Variants in SLIT3 observed in about 807,000 individuals in gnomAD.
SLIT3 encodes the protein slit guidance ligand 3.
Under a neutral mutation model 184.0 loss-of-function variants are expected in SLIT3, and 68 were observed. The observed-to-expected ratio is 0.37, with a 90% CI of 0.30 to 0.45. The LOEUF (loss-of-function observed/expected upper bound fraction) is 0.45. SLIT3 is among the 20% of genes least tolerant of loss of function. The pLI is 1.00. For missense variants in SLIT3, 1,707 were observed against 2,026.0 expected (o/e 0.84, Z 3.02); for synonymous variants, 831 against 828.6 (o/e 1.00, Z -0.05).
In SLIT3 at chr5:168,999,253, G is replaced by A. The variant is rs371446002; in HGVS notation, c.414-115917C>T. 2.0e-4 allele frequency among the ~76,000 whole-genome samples: 30 copies of A among 152,168 alleles called. 1 individual carries two copies. Among genetic ancestry groups the A allele is most frequent in the African/African-American group, 7.0e-4 (29 of 41,520 alleles). On this transcript the variant is annotated intron_variant, in intron 4 of 35. Coordinates refer to ENST00000519560, the MANE Select transcript of SLIT3 (RefSeq NM_003062.4). ...CCAAGTATGAGAGCCTCTGGTAATG[G>A]GTTCAAGACCTCTGGCTCTGGAGTG...
intron 3 of SLIT3, among the ~76,000 whole-genome samples, chr5:169,207,362 C>CACATACAT (rs765067770): frequency 0.024 from 3,237 of 133,198 alleles, 126 homozygotes; most frequent in Admixed American, 0.092. Context: ...GTTTTACATA[C>CACATACAT]ACATACATAC....
At chr5:168,901,826 C>G (rs1358993272) in intron 4 of SLIT3, among the ~76,000 whole-genome samples, 1 of 152,144 alleles carries the variant, frequency 6.6e-6, no homozygotes, top group Non-Finnish European at 1.5e-5. Flanking sequence ...GGCAGGTGCC[C>G]TCTCTCCTTG....
chr5:168,957,810 T>A (rs1762879069), intron 4 of SLIT3, among the ~76,000 whole-genome samples: 1 of 152,228 alleles, frequency 6.6e-6, no homozygotes, highest in African/African-American at 2.4e-5. Flanking sequence ...CGCTGCTAGA[T>A]CTGCTTCAGC....
At chr5:169,203,208 T>C (rs574166935) in intron 3 of SLIT3, among the ~76,000 whole-genome samples, 75 of 152,266 alleles carry the variant, frequency 4.9e-4, no homozygotes, top group Non-Finnish European at 9.7e-4. Flanking sequence ...GGTTGCTTTA[T>C]CTAGGACTAA....
intron 28 of SLIT3, among the ~76,000 whole-genome samples, chr5:168,693,730 G>A (rs1761975377): frequency 6.6e-6 from 1 of 152,154 alleles, no homozygotes; most frequent in Non-Finnish European, 1.5e-5. Flanking sequence ...CCAGAGGGCT[G>A]GCTGCAGGGT....
At chr5:169,093,313 A>AT (rs1241235467) in intron 4 of SLIT3, among the ~76,000 whole-genome samples, 1 of 152,028 alleles carries the variant, frequency 6.6e-6, no homozygotes. Context: ...GTTAAAGAAA[A>AT]CCCTCTTCTC....
chr5:168,746,350 T>TGGGTGA (rs1763808424), intron 20 of SLIT3, among the ~76,000 whole-genome samples: 1 of 85,024 alleles, frequency 1.2e-5, no homozygotes, highest in Non-Finnish European at 2.3e-5. Flanking sequence ...GTGGTGTGGG[T>TGGGTGA]GTGTGGTGGT....
intron 4 of SLIT3, among the ~76,000 whole-genome samples, chr5:168,985,546 C>T (rs966678457): frequency 6.6e-6 from 1 of 152,212 alleles, no homozygotes; most frequent in Non-Finnish European, 1.5e-5. Flanking sequence ...ACTGCAACAG[C>T]CCTCATTTTT....
chr5:169,108,055 C>T (rs1760283169), intron 4 of SLIT3, among the ~76,000 whole-genome samples: 2 of 152,200 alleles, frequency 1.3e-5, no homozygotes, highest in Admixed American at 1.3e-4. Context: ...CCCAGCAGAC[C>T]AGACCATAGT....
chr5:168,835,346 T>A (rs1304540425), intron 6 of SLIT3, among the ~76,000 whole-genome samples: 6 of 152,174 alleles, frequency 3.9e-5, no homozygotes, highest in Admixed American at 1.3e-4. Flanking sequence ...AGTCCTCCGA[T>A]TTAGTTACAA....
intron 9 of SLIT3, among the ~76,000 whole-genome samples, chr5:168,798,220 CTTCTTTTT>C (rs1266667916): frequency 1.8e-5 from 2 of 112,262 alleles, no homozygotes; most frequent in East Asian, 5.5e-4. Flanking sequence ...TCTTCTTCTT[CTTCTTTTT>C]TTTTTTTTTT....
chr5:168,677,329 T>A (rs1441995746), intron 32 of SLIT3, among the ~76,000 whole-genome samples: 1 of 152,204 alleles, frequency 6.6e-6, no homozygotes, highest in Non-Finnish European at 1.5e-5. Context: ...CAGGATGGAA[T>A]GTAGTGGTGC....
At chr5:168,988,781 C>T (rs564620316) in intron 4 of SLIT3, among the ~76,000 whole-genome samples, 1 of 152,156 alleles carries the variant, frequency 6.6e-6, no homozygotes, top group Admixed American at 6.5e-5. Context: ...AGACCCCCCC[C>T]CAGGGGCAGG....
At chr5:169,015,822 T>C (rs1479599396) in intron 4 of SLIT3, among the ~76,000 whole-genome samples, 1 of 151,868 alleles carries the variant, frequency 6.6e-6, no homozygotes, top group African/African-American at 2.4e-5. Flanking sequence ...TAGTCCCAGC[T>C]ACTTGGGAGG....
Position 168,669,995 on chromosome 5 carries a change from G to A in SLIT3, c.4128-4C>T. The A allele has an allele frequency of 6.2e-7, 1 of 1,613,568 alleles. No individual in the cohort carries two copies. Among genetic ancestry groups the A allele is most frequent in the Non-Finnish European group, 8.5e-7 (1 of 1,179,640 alleles). ...CACACATTTTCCATGGTGGCATCTAGGGGCAGAGAGGAGGATGAGAAGGGA... is the reference window on the plus strand; with the variant it reads ...CACACATTTTCCATGGTGGCATCTAAGGGCAGAGAGGAGGATGAGAAGGGA... On this transcript the variant is annotated splice_polypyrimidine_tract_variant and splice_region_variant and intron_variant, in intron 34 of 35. Transcript: ENST00000519560.
chr5:169,268,641 T>C (rs977650044), intron 1 of SLIT3, among the ~76,000 whole-genome samples: 1 of 152,216 alleles, frequency 6.6e-6, no homozygotes, highest in African/African-American at 2.4e-5. Flanking sequence ...AGCTGTAGCA[T>C]CAGGCCTCCA....
chr5:169,249,784 C>T (rs569223488), intron 2 of SLIT3, among the ~76,000 whole-genome samples: 110 of 152,374 alleles, frequency 7.2e-4, no homozygotes, highest in African/African-American at 2.5e-3. Flanking sequence ...CTACCAGTTA[C>T]TTGACAGATA....
At chr5:168,695,048 T>C (rs1469228642) in intron 28 of SLIT3, among the ~76,000 whole-genome samples, 1 of 152,190 alleles carries the variant, frequency 6.6e-6, no homozygotes, top group Non-Finnish European at 1.5e-5. Context: ...AAGAGTGTAC[T>C]TGGGGATACT....
At chr5:168,835,730 G>C (rs1220747100) in intron 6 of SLIT3, among the ~76,000 whole-genome samples, 1 of 151,376 alleles carries the variant, frequency 6.6e-6, no homozygotes, top group Non-Finnish European at 1.5e-5. Flanking sequence ...AGAGTTGCTT[G>C]AACTGGGGAG....
Sources: gnomAD v4.1 joint callset for allele counts (sites outside exome capture counted in the v4.1 genomes callset) on GRCh38, gnomAD v4.1.1 for gene constraint, MANE v1.5 for transcripts, NCBI Gene and HGNC (gene_info 2026-07-23, HGNC 2026-07-21) for gene names.